Variants in EMID1 observed in about 807,000 individuals in gnomAD.
EMID1 encodes the protein EMI domain containing 1, also known as EMI domain-containing protein 1.
In EMID1, 40 loss-of-function variants were observed where a neutral mutation model predicts 60.6. The observed-to-expected ratio is 0.66, with a 90% CI of 0.51 to 0.86. The LOEUF (loss-of-function observed/expected upper bound fraction) is 0.86. Among genes scored for constraint, EMID1 ranks in the 40% least tolerant of loss-of-function variants. The probability of loss-of-function intolerance (pLI) is 0.00; values close to 1 mark genes in which losing one functional copy is unlikely to be tolerated. For synonymous variants in EMID1, 242 were observed against 231.0 expected (o/e 1.05, Z -0.43); for missense variants, 585 against 597.1 (o/e 0.98, Z 0.21).
At chr22:29,208,461 G>A (rs1379670386) in intron 1 of EMID1, among the ~76,000 whole-genome samples, 1 of 152,190 alleles carries the variant, frequency 6.6e-6, no homozygotes, top group Non-Finnish European at 1.5e-5. Flanking sequence ...CCTGGAGTCT[G>A]CTTCCTTTAA....
At chr22:29,240,692 G>A (rs7284720) in intron 12 of EMID1, among the ~76,000 whole-genome samples, 1,733 of 152,312 alleles carry the variant, frequency 0.011, 28 homozygotes, top group African/African-American at 0.04. Flanking sequence ...TAAATCATGC[G>A]CTTGACGCAT....
intron 12 of EMID1, among the ~76,000 whole-genome samples, chr22:29,236,364 C>G (rs185403058): frequency 3.3e-5 from 5 of 152,252 alleles, no homozygotes; most frequent in Non-Finnish European, 7.3e-5. Context: ...TGCATTCCAG[C>G]CTGAGTGACA....
At chr22:29,251,012 G>A (rs1240086549) in intron 13 of EMID1, among the ~76,000 whole-genome samples, 2 of 151,658 alleles carry the variant, frequency 1.3e-5, no homozygotes, top group East Asian at 3.9e-4. Context: ...CGACCTCAGG[G>A]GCCCAAGCCA....
At chr22:29,213,184 G>A (rs890784304) in intron 1 of EMID1, among the ~76,000 whole-genome samples, 5 of 152,150 alleles carry the variant, frequency 3.3e-5, no homozygotes, top group African/African-American at 1.2e-4. Flanking sequence ...CCGTAACTAG[G>A]TGTGATAGCT....
intron 2 of EMID1, chr22:29,215,245 C>T: frequency 1.0e-6 from 1 of 985,426 alleles, no homozygotes; most frequent in Non-Finnish European, 1.2e-6. Flanking sequence ...ATGGATACAC[C>T]ATTTGCCTGC....
chr22:29,233,282 C>T, intron 8 of EMID1, 97 bp from the exon 9 acceptor site: 1 of 1,312,128 alleles, frequency 7.6e-7, no homozygotes, highest in East Asian at 2.3e-5. Flanking sequence ...CAGGCTGCCC[C>T]ATAGGGCAGT....
At position 29,214,982 on chromosome 22, in the gene EMID1, C is replaced by T. The variant is rs767276600; in HGVS notation, c.158C>T (p.Thr53Ile). The T allele has an allele frequency of 1.3e-6, 2 of 1,553,782 alleles. No individual in the cohort carries two copies. Among genetic ancestry groups the T allele is most frequent in the Admixed American group, 1.9e-5 (1 of 51,440 alleles). Reference sequence around the variant, plus strand: ...ATCTCATGCCATGTGCAGAATGGCACCTACCTTCAGCGAGTGCTGCAGAAC... The same window carrying T: ...ATCTCATGCCATGTGCAGAATGGCATCTACCTTCAGCGAGTGCTGCAGAAC... ...RTISCHVQNG[T>I]YLQRVLQNCP... The change falls in exon 2 of 15, where the codon ACC (threonine) becomes ATC (isoleucine). Residue 53 changes from threonine (T) to isoleucine (I), a missense_variant. Coordinates refer to ENST00000334018, the MANE Select transcript of EMID1 (RefSeq NM_133455.4).
intron 12 of EMID1, among the ~76,000 whole-genome samples, chr22:29,235,275 G>C (rs2040902907): frequency 6.7e-6 from 1 of 150,336 alleles, no homozygotes; most frequent in Non-Finnish European, 1.5e-5. Flanking sequence ...TTGAACCCAG[G>C]AGGCAGAGGT....
chr22:29,241,578 G>A (rs948114263), intron 12 of EMID1, among the ~76,000 whole-genome samples: 9 of 149,996 alleles, frequency 6.0e-5, no homozygotes, highest in African/African-American at 2.0e-4. Flanking sequence ...TAGTAGAGAC[G>A]GGGTTTCACC....
chr22:29,231,243 C>A, intron 6 of EMID1, 103 bp downstream of exon 6: 1 of 1,447,890 alleles, frequency 6.9e-7, no homozygotes, highest in Non-Finnish European at 9.2e-7. Context: ...CAACTTAACC[C>A]TCTAGTGGGC....
In EMID1 at chr22:29,219,296, T is replaced by C. The variant is rs528483796; in HGVS notation, c.319+3666T>C. Reference sequence around the variant, plus strand: ...CCCCAGCTCCTCCTAGATAGAAAGATAGAGAGGCCGGGGCTCCCTCCCCTC... The same window carrying C: ...CCCCAGCTCCTCCTAGATAGAAAGACAGAGAGGCCGGGGCTCCCTCCCCTC... On this transcript the variant is annotated intron_variant, in intron 3 of 14. Transcript: ENST00000334018. Among the ~76,000 whole-genome samples the C allele has an allele frequency of 2.6e-5, 4 of 152,224 alleles. No homozygotes were observed. In the South Asian group the frequency reaches 6.2e-4, roughly 24 times the overall value.
chr22:29,215,362 G>A (rs2040045114), intron 2 of EMID1, 165 bp from the exon 3 acceptor site: 2 of 876,546 alleles, frequency 2.3e-6, no homozygotes, highest in Admixed American at 6.2e-5. Context: ...AAGGTGGTGG[G>A]GGGATGGAAG....
intron 14 of EMID1, among the ~76,000 whole-genome samples, chr22:29,257,975 G>A (rs948972813): frequency 1.3e-5 from 2 of 152,214 alleles, no homozygotes; most frequent in Non-Finnish European, 2.9e-5. Context: ...TGCAGGGCAG[G>A]CTGGGCCACA....
chr22:29,233,306 G>T, intron 8 of EMID1, 73 bp from the exon 9 acceptor site: 1 of 1,539,108 alleles, frequency 6.5e-7, no homozygotes, highest in Non-Finnish European at 9.0e-7. Flanking sequence ...AGCTGTCTTG[G>T]CAGAGGTGGC....
chr22:29,250,302 A>T (rs143565909), intron 13 of EMID1, among the ~76,000 whole-genome samples: 1 of 151,472 alleles, frequency 6.6e-6, no homozygotes, highest in African/African-American at 2.4e-5. Context: ...GTTCTCACAC[A>T]CTGCGTTTGG....
At chr22:29,251,806 A>G (rs978526856) in intron 13 of EMID1, among the ~76,000 whole-genome samples, 11 of 152,110 alleles carry the variant, frequency 7.2e-5, no homozygotes, top group African/African-American at 2.4e-4. Context: ...CTAGGACTAT[A>G]GGTGCACACC....
intron 13 of EMID1, among the ~76,000 whole-genome samples, chr22:29,251,196 C>A (rs2041515747): frequency 6.6e-6 from 1 of 151,986 alleles, no homozygotes; most frequent in South Asian, 2.1e-4. Flanking sequence ...ATCCTCCCAC[C>A]TCAGCCTCCC....
intron 13 of EMID1, among the ~76,000 whole-genome samples, chr22:29,246,230 G>C (rs562927736): frequency 6.6e-6 from 1 of 152,202 alleles, no homozygotes; most frequent in African/African-American, 2.4e-5. Context: ...CACTGTGACA[G>C]GTAGAGAGTG....
chr22:29,213,561 TG>T (rs986478905), intron 1 of EMID1, among the ~76,000 whole-genome samples: 3 of 151,960 alleles, frequency 2.0e-5, no homozygotes, highest in African/African-American at 7.3e-5. Context: ...TGGTCTGGGG[TG>T]GGGGCAGGGC....
Sources: gnomAD v4.1 joint callset for allele counts (sites outside exome capture counted in the v4.1 genomes callset) on GRCh38, gnomAD v4.1.1 for gene constraint, MANE v1.5 for transcripts, NCBI Gene and HGNC (gene_info 2026-07-23, HGNC 2026-07-21) for gene names.